EPHA6: variants seen among roughly 807,000 people sequenced by gnomAD.
The protein encoded by EPHA6 is ephrin type-A receptor 6.
A neutral mutation model predicts 112.0 loss-of-function variants in EPHA6; 50 were observed. The ratio of observed to expected loss-of-function variants is 0.45; its 90% CI spans 0.36 to 0.56. The LOEUF is 0.56. Among genes scored for constraint, EPHA6 ranks in the 20% least tolerant of loss-of-function variants. The pLI is 0.00. For missense variants in EPHA6, 1,280 were observed against 1,417.4 expected, an observed-to-expected ratio of 0.90 and a Z score of 1.56; for synonymous variants, 529 against 490.7, an observed-to-expected ratio of 1.08 and a Z score of -1.03.
intron 14 of EPHA6, 127 bp downstream of exon 14, chr3:97,638,209 T>C (rs2093967218): frequency 1.5e-6 from 1 of 684,904 alleles, no homozygotes. Context: ...TTTGATATCA[T>C]TATTTAATTG....
In EPHA6 at chr3:97,356,568, T is replaced by C. The variant is rs888611706; in HGVS notation, c.1607-48582T>C. On this transcript the variant is annotated intron_variant, in intron 5 of 17. Transcript: ENST00000389672. ...TTCTTTCTTGATACATTGATTACTT[T>C]AGAGTGTGGTGTTTAATTTCTATAA... Among the ~76,000 whole-genome samples, 5 of 152,324 alleles carry C rather than the reference T, an allele frequency of 3.3e-5. No individual in the cohort carries two copies. The South Asian group carries it at 1.0e-3, about 32-fold the overall frequency.
chr3:97,056,711 G>T (rs1369515907), intron 3 of EPHA6, among the ~76,000 whole-genome samples: 1 of 152,146 alleles, frequency 6.6e-6, no homozygotes, highest in Non-Finnish European at 1.5e-5. Context: ...TTAACATAGT[G>T]GTTGAGATCT....
chr3:96,945,865 T>A (rs551790595), intron 2 of EPHA6, among the ~76,000 whole-genome samples: 1 of 152,280 alleles, frequency 6.6e-6, no homozygotes, highest in South Asian at 2.1e-4. Context: ...ATCATTTACA[T>A]TAGGATTCAC....
intron 11 of EPHA6, among the ~76,000 whole-genome samples, chr3:97,534,937 C>G (rs1439780735): frequency 6.6e-6 from 1 of 151,944 alleles, no homozygotes. Flanking sequence ...GAGCATCCAA[C>G]AATAAATTAA....
intron 14 of EPHA6, among the ~76,000 whole-genome samples, chr3:97,645,775 T>A (rs1163367695): frequency 6.6e-6 from 1 of 152,238 alleles, no homozygotes. Flanking sequence ...TCAGTTTTTT[T>A]AAGTTGTATC....
intron 3 of EPHA6, among the ~76,000 whole-genome samples, chr3:97,030,526 C>T (rs1179010110): frequency 9.9e-5 from 15 of 152,038 alleles, no homozygotes; most frequent in Admixed American, 2.6e-4. Flanking sequence ...TCCTCCTTTT[C>T]CTTAGCCACT....
rs941111618 is a variant in EPHA6 at position 96,967,227 on chromosome 3, A to G, written c.451-20103A>G. On this transcript the variant is annotated intron_variant, in intron 2 of 17. Transcript: ENST00000389672. ...ACACACTTTATGTAACATAGGTTAT[A>G]TAATAAGAAATTATTATATAATTTT... 2.3e-4 allele frequency among the ~76,000 whole-genome samples: 34 copies of G among 150,394 alleles called. 1 individual carries two copies. The highest frequency in any genetic ancestry group is 1.7e-3 in the Admixed American group (26 of 14,994).
chr3:97,598,392 T>C (rs2093612632), intron 12 of EPHA6, among the ~76,000 whole-genome samples: 1 of 147,532 alleles, frequency 6.8e-6, no homozygotes, highest in South Asian at 2.2e-4. Flanking sequence ...ATTAGGTATA[T>C]CTCCCAATGC....
chr3:97,424,806 C>CA (rs60277455), intron 6 of EPHA6, among the ~76,000 whole-genome samples: 2,290 of 51,672 alleles, frequency 0.044, 86 homozygotes, highest in African/African-American at 0.11. Flanking sequence ...AACTCTGTCT[C>CA]AAAAAAAAAA....
intron 7 of EPHA6, among the ~76,000 whole-genome samples, chr3:97,464,210 T>C (rs1349185307): frequency 6.6e-6 from 1 of 152,040 alleles, no homozygotes; most frequent in African/African-American, 2.4e-5. Context: ...GTTGGTCCAG[T>C]TTGGGTCAGG....
At chr3:97,182,993 T>C (rs1207082721) in intron 3 of EPHA6, among the ~76,000 whole-genome samples, 1 of 152,132 alleles carries the variant, frequency 6.6e-6, no homozygotes, top group East Asian at 1.9e-4. Flanking sequence ...ACAGAGATTT[T>C]AAATCTACTT....
chr3:97,661,861 T>C (rs546505572), intron 14 of EPHA6, among the ~76,000 whole-genome samples: 6 of 152,304 alleles, frequency 3.9e-5, no homozygotes, highest in Middle Eastern at 6.8e-3. Context: ...GATGTCCTGG[T>C]AGTCCTTGTA....
intron 7 of EPHA6, among the ~76,000 whole-genome samples, chr3:97,474,832 A>G (rs2091323877): frequency 1.3e-5 from 2 of 151,996 alleles, no homozygotes; most frequent in South Asian, 4.1e-4. Flanking sequence ...CCCATTATGT[A>G]TATCCTCGTG....
At chr3:97,571,960 C>T (rs954390868) in intron 11 of EPHA6, among the ~76,000 whole-genome samples, 12 of 152,158 alleles carry the variant, frequency 7.9e-5, no homozygotes, top group African/African-American at 2.9e-4. Context: ...CTGCCACTTT[C>T]TGTTTATAAA....
At chr3:97,207,735 A>G (rs2108508482) in intron 3 of EPHA6, among the ~76,000 whole-genome samples, 1 of 152,290 alleles carries the variant, frequency 6.6e-6, no homozygotes, top group South Asian at 2.1e-4. Context: ...AATGGAATGG[A>G]TTTATAGCTT....
intron 6 of EPHA6, among the ~76,000 whole-genome samples, chr3:97,411,315 G>T (rs1350329539): frequency 6.6e-6 from 1 of 151,942 alleles, no homozygotes; most frequent in Non-Finnish European, 1.5e-5. Flanking sequence ...GACTCTGACT[G>T]GGGCCAATAC....
intron 2 of EPHA6, among the ~76,000 whole-genome samples, chr3:96,912,301 T>A (rs1315105849): frequency 6.6e-6 from 1 of 152,122 alleles, no homozygotes; most frequent in East Asian, 1.9e-4. Flanking sequence ...ATAAAATGAC[T>A]GGGGTGAACA....
intron 3 of EPHA6, among the ~76,000 whole-genome samples, chr3:97,187,076 A>G (rs980676006): frequency 6.6e-6 from 1 of 152,130 alleles, no homozygotes; most frequent in Non-Finnish European, 1.5e-5. Context: ...ATAAGAAATG[A>G]CCCGAAATCT....
At chr3:96,922,725 G>A (rs1379886904) in intron 2 of EPHA6, among the ~76,000 whole-genome samples, 1 of 151,968 alleles carries the variant, frequency 6.6e-6, no homozygotes, top group Non-Finnish European at 1.5e-5. Context: ...GTGCCATGGG[G>A]TTTACTGCAC....
Sources: gnomAD v4.1 joint callset for allele counts (sites outside exome capture counted in the v4.1 genomes callset) on GRCh38, gnomAD v4.1.1 for gene constraint, MANE v1.5 for transcripts, NCBI Gene and HGNC (gene_info 2026-07-23, HGNC 2026-07-21) for gene names.